The following ZNF761 variants were observed in gnomAD, a reference collection of about 807,000 sequenced individuals.
ZNF761 encodes the protein zinc finger protein 761.
In ZNF761, 43 loss-of-function variants were observed where a neutral mutation model predicts 59.9. The observed-to-expected ratio is 0.72, with a 90% CI of 0.56 to 0.92. The LOEUF is 0.92. Ranked by LOEUF, ZNF761 falls within the 40% of genes least tolerant of loss-of-function variation. The pLI, the probability that ZNF761 is intolerant of heterozygous loss-of-function variation, is 0.00. For missense variants in ZNF761, 850 were observed against 906.1 expected (o/e 0.94, Z 0.79); for synonymous variants, 294 against 304.8 (o/e 0.96, Z 0.37).
rs1297457432 is a variant in ZNF761, at chr19:53,457,814, A to C, written c.*1066A>C. On this transcript the variant is annotated 3_prime_UTR_variant, in exon 5 of 5. Coordinates refer to ENST00000684525, the MANE Select transcript of ZNF761 (RefSeq NM_001289951.2). ...TCAGCCTGGCCAACAGACGTGAGCC[A>C]TTTTCCCAGCCTGTTTTTTGTTTCT... The C allele has an allele frequency of 1.9e-5, 3 of 154,390 alleles. No homozygotes were observed. Among genetic ancestry groups the C allele is most frequent in the Non-Finnish European group, 1.5e-5 (1 of 68,368 alleles). The allele number at this position is 154,390 out of a possible 1,614,324, so 9.6% of individuals were successfully genotyped here.
rs112126564 is a variant in ZNF761, at chr19:53,449,285, G to A, written c.16-227G>A. ...GTGGAGGTTGCAGTGAGCGCAGACA[G>A]CACCAGTGCACTCCAGCCTGGGTGA... On this transcript the variant is annotated intron_variant, in intron 3 of 4. Transcript: ENST00000684525. Among the ~76,000 whole-genome samples, 976 of 151,890 alleles carry A rather than the reference G, an allele frequency of 6.4e-3. 11 individuals carry two copies. Among genetic ancestry groups the A allele is most frequent in the African/African-American group, 0.023 (932 of 41,404 alleles).
intron 4 of ZNF761, among the ~76,000 whole-genome samples, chr19:53,451,193 T>G (rs74980379): frequency 0.094 from 14,352 of 152,252 alleles, 698 homozygotes; most frequent in Middle Eastern, 0.11. Flanking sequence ...TGTGTCCTTT[T>G]ATTTGCCTGT....
intron 1 of ZNF761, among the ~76,000 whole-genome samples, chr19:53,438,694 A>G (rs2617751): frequency 0.73 from 111,277 of 152,082 alleles, 41,131 homozygotes; most frequent in Non-Finnish European, 0.77. Flanking sequence ...GGGTAGTCGG[A>G]GTTAGAAGTG....
At position 53,455,219 on chromosome 19, in the gene ZNF761, T is replaced by C; in HGVS notation, c.712T>C (p.Leu238=). The stretch of plus-strand genomic sequence containing the variant: ...CTTAAGGAAACATCAGATAATCCAT[T>C]TAGCAGACAAATATAAATGTGATGT... ...SLLRKHQIIH[L]ADKYKCDVCG... Residue 238 remains leucine, a synonymous_variant, in exon 5 of 5, where the codon TTA becomes CTA. Coordinates refer to ENST00000684525, the MANE Select transcript of ZNF761 (RefSeq NM_001289951.2). The C allele has an allele frequency of 6.2e-7, 1 of 1,614,180 alleles. No homozygotes were observed. The highest frequency in any genetic ancestry group is 8.5e-7 in the Non-Finnish European group (1 of 1,180,026).
At chr19:53,432,433 A>T (rs1310099844) in intron 1 of ZNF761, among the ~76,000 whole-genome samples, 2 of 151,718 alleles carry the variant, frequency 1.3e-5, no homozygotes, top group African/African-American at 4.8e-5. Flanking sequence ...TGCAGACCCC[A>T]CCCTTGCCTT....
rs188351412 is a variant in ZNF761 at position 53,437,073 on chromosome 19, T to G, written c.-185+5045T>G. Among the ~76,000 whole-genome samples, 86 of 152,174 alleles carry G rather than the reference T, an allele frequency of 5.7e-4. 3 individuals are homozygous for G. The East Asian group carries it at 0.016, about 28-fold the overall frequency. On this transcript the variant is annotated intron_variant, in intron 1 of 4. Transcript: ENST00000684525. ...TGGCTCATGCCTGTAATCCCAGTAC[T>G]TTGGGAGGCTGAGGCAGGCAGATTA...
chr19:53,433,041 G>GTTAAGCGGA (rs2085990922), intron 1 of ZNF761, among the ~76,000 whole-genome samples: 1 of 38,378 alleles, frequency 2.6e-5, no homozygotes, highest in Non-Finnish European at 4.9e-5. Context: ...AGAGAGTGGG[G>GTTAAGCGGA]ACAGGGGGGT....
In ZNF761 at chr19:53,454,931, T is replaced by C. The variant is rs2086251660; in HGVS notation, c.424T>C (p.Ser142Pro). 1 of 1,614,144 alleles carries C rather than the reference T, an allele frequency of 6.2e-7. No homozygotes were observed. Among genetic ancestry groups the C allele is most frequent in the African/African-American group, 1.3e-5 (1 of 75,046 alleles). ...CAAGCCTATTAAAGATCAGCTTGGA[T>C]CAAGCTTTCATTCGCATCTGCCTGA... ...RNKPIKDQLG[S>P]SFHSHLPEMH... The change falls in exon 5 of 5, where the codon TCA becomes CCA. Residue 142 changes from serine (S) to proline (P), a missense_variant. By Grantham distance (74) the Ser-to-Pro change is moderately conservative (BLOSUM62 -1). Coordinates refer to ENST00000684525, the MANE Select transcript of ZNF761 (RefSeq NM_001289951.2).
At chr19:53,450,110 C>T (rs543531063) in intron 4 of ZNF761, 39 of 310,932 alleles carry the variant, frequency 1.3e-4, no homozygotes, top group African/African-American at 5.2e-4. Context: ...CGAGACCAGC[C>T]CGGCCAACAT....
chr19:53,449,729 C>G (rs539591840), intron 4 of ZNF761, 91 bp downstream of exon 4: 17 of 1,583,812 alleles, frequency 1.1e-5, no homozygotes, highest in South Asian at 3.4e-5. Flanking sequence ...TGCTCTGTCA[C>G]CCAGGGTAGA....
chr19:53,453,622 T>C (rs2086239559), intron 4 of ZNF761, among the ~76,000 whole-genome samples: 1 of 152,190 alleles, frequency 6.6e-6, no homozygotes, highest in African/African-American at 2.4e-5. Flanking sequence ...ACACCTGCCA[T>C]CCCAGGACTT....
At chr19:53,434,721 G>GAT (rs1380768302) in intron 1 of ZNF761, among the ~76,000 whole-genome samples, 5 of 152,180 alleles carry the variant, frequency 3.3e-5, no homozygotes, top group African/African-American at 1.2e-4. Flanking sequence ...GCATCGGTTC[G>GAT]GGGGAAGAGT....
At chr19:53,432,289 T>C (rs1459014841) in intron 1 of ZNF761, among the ~76,000 whole-genome samples, 1 of 152,124 alleles carries the variant, frequency 6.6e-6, no homozygotes, top group Non-Finnish European at 1.5e-5. Context: ...GTAAACCTTT[T>C]TCTGACTCCT....
At position 53,455,807 on chromosome 19, in the gene ZNF761, G is replaced by T. The variant is rs1261692623; in HGVS notation, c.1300G>T (p.Glu434Ter). Residue 434 changes from glutamate (E) to a stop codon, truncating the protein, a stop_gained, in exon 5 of 5, where the codon GAA becomes TAA. Transcript: ENST00000684525. LOFTEE classifies it high-confidence loss of function. ...TGAAATACATCGGAAAATTCATACT[G>T]AAGACAATGCTTACAAGTGTAATGA... ...NFEIHRKIHT[E>*]DNAYKCNECG... 5.0e-6 allele frequency: 8 copies of T among 1,613,968 alleles called. No individual in the cohort carries two copies. The highest frequency in any genetic ancestry group is 6.8e-6 in the Non-Finnish European group (8 of 1,180,004).
intron 1 of ZNF761, among the ~76,000 whole-genome samples, chr19:53,435,061 G>A (rs1259714697): frequency 6.6e-6 from 1 of 152,048 alleles, no homozygotes; most frequent in Non-Finnish European, 1.5e-5. Context: ...CTTTAGAATG[G>A]TGAAATTTAC....
chr19:53,450,611 GT>G (rs2086213077), intron 4 of ZNF761, among the ~76,000 whole-genome samples: 1 of 151,712 alleles, frequency 6.6e-6, no homozygotes, highest in African/African-American at 2.4e-5. Context: ...TACTTCTTTT[GT>G]TTGTTTGTTT....
At position 53,449,536 on chromosome 19, in the gene ZNF761, G is replaced by C. The variant is rs758955009; in HGVS notation, c.40G>C (p.Ala14Pro). ...SQGLLTFRDV[A>P]IEFSQEEWKC... ...GGGTCTATTGACATTCAGGGATGTG[G>C]CCATAGAATTCTCTCAGGAGGAGTG... is the stretch of plus-strand genomic sequence containing the variant. Residue 14 changes from alanine to proline, a missense_variant, in exon 4 of 5, where the codon GCC becomes CCC. By Grantham distance (27) the Ala-to-Pro change is conservative (BLOSUM62 -1). Transcript: ENST00000684525. 6.2e-7 allele frequency: 1 copy of C among 1,613,826 alleles called. No homozygotes were observed. Among genetic ancestry groups the C allele is most frequent in the Non-Finnish European group, 8.5e-7 (1 of 1,179,960 alleles).
At chr19:53,434,230 A>C (rs1600078839) in intron 1 of ZNF761, among the ~76,000 whole-genome samples, 1 of 152,192 alleles carries the variant, frequency 6.6e-6, no homozygotes. Context: ...TTCAGGAGGC[A>C]AATCTGTGTC....
At chr19:53,453,898 AT>A (rs943979727) in intron 4 of ZNF761, among the ~76,000 whole-genome samples, 2 of 151,742 alleles carry the variant, frequency 1.3e-5, no homozygotes, top group Non-Finnish European at 2.9e-5. Flanking sequence ...AATAAAAAAA[AT>A]GTTTTAATGT....
Sources: allele counts gnomAD v4.1 joint callset (sites outside exome capture counted in the v4.1 genomes callset), GRCh38; gene constraint gnomAD v4.1.1; transcripts MANE v1.5; gene names NCBI Gene and HGNC (gene_info 2026-07-23, HGNC 2026-07-21).